Variants in GAR1 observed in about 807,000 individuals in gnomAD.
GAR1 encodes the protein H/ACA ribonucleoprotein complex subunit 1.
A neutral mutation model predicts 29.3 loss-of-function variants in GAR1; 11 were observed. That is an observed-to-expected ratio of 0.38 (90% confidence interval 0.24 to 0.62). The LOEUF is 0.62. Ranked by LOEUF, GAR1 falls within the 20% of genes least tolerant of loss-of-function variation. The probability of loss-of-function intolerance (pLI) is 0.62; values close to 1 mark genes in which losing one functional copy is unlikely to be tolerated. For missense variants in GAR1, 237 were observed against 268.4 expected, an observed-to-expected ratio of 0.88 and a Z score of 0.82; for synonymous variants, 87 against 93.3, an observed-to-expected ratio of 0.93 and a Z score of 0.39.
Position 109,822,435 on chromosome 4 carries a change from G to C in GAR1, c.518G>C (p.Arg173Thr), listed in dbSNP as rs756316401. 1.2e-6 allele frequency: 2 copies of C among 1,611,114 alleles called. No homozygotes were observed. Among genetic ancestry groups the C allele is most frequent in the Non-Finnish European group, 1.7e-6 (2 of 1,177,862 alleles). ...GEKGPPRGGG[R>T]GGRGGGRGGG... ...AAAGGACCTCCAAGAGGTGGTGGCA[G>C]GGGAGGCCGAGGAGGAGGAAGAGGA... The change falls in exon 5 of 7, where the codon AGG (arginine) becomes ACG (threonine). Residue 173 changes from arginine (R) to threonine (T), a missense_variant. Transcript: ENST00000226796.
chr4:109,823,239 G>A (rs1205453604), intron 5 of GAR1, among the ~76,000 whole-genome samples: 1 of 152,190 alleles, frequency 6.6e-6, no homozygotes, highest in East Asian at 1.9e-4. Context: ...GAAAGGGAGA[G>A]GAGCTGAAAG....
intron 3 of GAR1, among the ~76,000 whole-genome samples, chr4:109,818,469 TTCTTTCTCTC>T (rs33913000): frequency 0.027 from 4,086 of 151,776 alleles, 173 homozygotes; most frequent in African/African-American, 0.09. Flanking sequence ...CTCTCTTTCT[TTCTTTCTCTC>T]TCTTTCTCTC....
intron 5 of GAR1, 146 bp from the exon 6 acceptor site, chr4:109,823,817 ATC>A (rs1733580866): frequency 4.5e-6 from 2 of 439,586 alleles, no homozygotes; most frequent in East Asian, 7.7e-5. Context: ...AAATATGTGA[ATC>A]TATATTTATT....
At chr4:109,823,301 C>T (rs1733568917) in intron 5 of GAR1, among the ~76,000 whole-genome samples, 1 of 152,130 alleles carries the variant, frequency 6.6e-6, no homozygotes, top group African/African-American at 2.4e-5. Flanking sequence ...AGGAACGCCT[C>T]ACTTTTGGCG....
intron 4 of GAR1, among the ~76,000 whole-genome samples, chr4:109,821,087 A>C (rs1733501483): frequency 6.6e-6 from 1 of 152,126 alleles, no homozygotes; most frequent in Admixed American, 6.5e-5. Context: ...ACCCCCTGCT[A>C]TGTTGAGATT....
chr4:109,822,974 ATCT>A (rs1179559342), intron 5 of GAR1, among the ~76,000 whole-genome samples: 22 of 152,360 alleles, frequency 1.4e-4, no homozygotes, highest in African/African-American at 5.3e-4. Flanking sequence ...TAAAATGCAT[ATCT>A]TCTGATGTCA....
intron 4 of GAR1, among the ~76,000 whole-genome samples, 185 bp from the exon 5 acceptor site, chr4:109,822,155 TAAAAAAA>T (rs59097048): frequency 5.3e-4 from 54 of 101,642 alleles, no homozygotes; most frequent in East Asian, 2.4e-3. Context: ...GAACTTAAGG[TAAAAAAA>T]AAAAAAAAAA....
In GAR1 at chr4:109,815,765, T is replaced by A. The variant is rs1579350156; in HGVS notation, c.-52T>A. The A allele has an allele frequency of 1.0e-5, 2 of 192,482 alleles. No homozygotes were observed. Among genetic ancestry groups the A allele is most frequent in the Admixed American group, 1.1e-4 (2 of 18,384 alleles). 11.9% of individuals were successfully genotyped at this position (192,482 alleles called of 1,614,324 possible). On this transcript the variant is annotated 5_prime_UTR_variant, in exon 1 of 7. Coordinates refer to ENST00000226796, the MANE Select transcript of GAR1 (RefSeq NM_018983.4). ...GCGGCGGAAGTACCCCGCGGGTGGGTGTGTGCGCAAGGCCAGGGCCAGAGG... is the reference window on the plus strand; with the variant it reads ...GCGGCGGAAGTACCCCGCGGGTGGGAGTGTGCGCAAGGCCAGGGCCAGAGG...
intron 2 of GAR1, among the ~76,000 whole-genome samples, chr4:109,817,518 G>A (rs944120148): frequency 1.3e-5 from 2 of 152,118 alleles, no homozygotes; most frequent in Non-Finnish European, 2.9e-5. Context: ...TGAAGAAAAG[G>A]GAGAACCAAG....
chr4:109,819,919 G>A (rs182025186), intron 4 of GAR1, among the ~76,000 whole-genome samples: 87 of 152,282 alleles, frequency 5.7e-4, no homozygotes, highest in Admixed American at 8.5e-4. Flanking sequence ...GAGGTAGGAG[G>A]GGGCTTGATT....
rs372528508 is a variant in GAR1 at position 109,818,102 on chromosome 4, C to T, written c.369+12C>T. The T allele has an allele frequency of 6.3e-7, 1 of 1,576,074 alleles. No individual in the cohort carries two copies. The highest frequency in any genetic ancestry group is 1.4e-5 in the African/African-American group (1 of 73,170). On this transcript the variant is annotated intron_variant, in intron 3 of 6. Coordinates refer to ENST00000226796, the MANE Select transcript of GAR1 (RefSeq NM_018983.4). ...AACTCAGAGATTTTGTATCCTTTTT[C>T]ATTGGAAGGCCTGATAATATTCAAA...
intron 6 of GAR1, 143 bp from the exon 7 acceptor site, chr4:109,824,275 A>G: frequency 1.6e-6 from 1 of 639,704 alleles, no homozygotes; most frequent in Non-Finnish European, 2.8e-6. Context: ...TAAAGGTGTA[A>G]TATGAATGAC....
chr4:109,816,322 G>T lies in GAR1; in HGVS notation c.158G>T (p.Gly53Val), dbSNP rs774579065. The change falls in exon 2 of 7, where the codon GGT becomes GTT. Residue 53 changes from glycine (G) to valine (V), a missense_variant. Coordinates refer to ENST00000226796, the MANE Select transcript of GAR1 (RefSeq NM_018983.4). The part of the protein sequence containing the change: ...GGGRGGFGRG[G>V]GRGGFNKGQD... ...GGCAGGGGAGGATTTGGACGAGGGG[G>T]TGGCCGCGGAGGCTTTAACAAAGGC... 7 of 1,613,534 alleles carry T rather than the reference G, an allele frequency of 4.3e-6. No homozygotes were observed. The highest frequency in any genetic ancestry group is 2.7e-5 in the African/African-American group (2 of 74,892).
intron 4 of GAR1, 58 bp downstream of exon 4, chr4:109,819,118 A>G: frequency 1.1e-6 from 1 of 878,398 alleles, no homozygotes; most frequent in Non-Finnish European, 2.0e-6. Flanking sequence ...GACCTATCTT[A>G]GGAAAGTCCT....
chr4:109,820,267 A>G (rs1330335373), intron 4 of GAR1, among the ~76,000 whole-genome samples: 1 of 152,206 alleles, frequency 6.6e-6, no homozygotes, highest in African/African-American at 2.4e-5. Context: ...GATGTCTGAC[A>G]TCAACATCTT....
At position 109,817,962 on chromosome 4, in the gene GAR1, G is replaced by C; in HGVS notation, c.241G>C (p.Glu81Gln). 1 of 1,609,626 alleles carries C rather than the reference G, an allele frequency of 6.2e-7. No homozygotes were observed. Among genetic ancestry groups the C allele is most frequent in the Admixed American group, 1.7e-5 (1 of 59,320 alleles). The change falls in exon 3 of 7, where the codon GAA (glutamate) becomes CAA (glutamine). Residue 81 changes from glutamate (E) to glutamine (Q), a missense_variant. Physicochemically the swap from Glu to Gln is conservative, Grantham distance 29. Transcript: ENST00000226796. Reference protein sequence around the residue: ...VLLGEFLHPCEDDIVCKCTTD... With the variant: ...VLLGEFLHPCQDDIVCKCTTD... ...ATTAGGAGAGTTCCTGCATCCCTGT[G>C]AAGATGACATAGTTTGTAAATGTAC...
chr4:109,824,344 C>A, intron 6 of GAR1, 74 bp from the exon 7 acceptor site: 1 of 1,017,594 alleles, frequency 9.8e-7, no homozygotes, highest in Non-Finnish European at 1.6e-6. Flanking sequence ...TGATTTTAAA[C>A]TTGAGATTTA....
chr4:109,822,718 T>G lies in GAR1; in HGVS notation c.571+230T>G, dbSNP rs77274934. ...TTTTGAGGGACTTCATTTCTTTGGGTTATTCATGTTTTCTTGGACATTTTA... is the reference window on the plus strand; with the variant it reads ...TTTTGAGGGACTTCATTTCTTTGGGGTATTCATGTTTTCTTGGACATTTTA... On this transcript the variant is annotated intron_variant, in intron 5 of 6. Coordinates refer to ENST00000226796, the MANE Select transcript of GAR1 (RefSeq NM_018983.4). Among the ~76,000 whole-genome samples, 1,731 of 152,300 alleles carry G rather than the reference T, an allele frequency of 0.011. 86 individuals carry two copies. In the East Asian group the frequency reaches 0.13, roughly 12 times the overall value.
intron 4 of GAR1, among the ~76,000 whole-genome samples, chr4:109,821,895 T>G (rs1445118318): frequency 1.3e-5 from 2 of 151,614 alleles, no homozygotes; most frequent in Non-Finnish European, 2.9e-5. Flanking sequence ...AACACAGGAA[T>G]AGAAAACCAA....
Sources: gnomAD v4.1 joint callset for allele counts (sites outside exome capture counted in the v4.1 genomes callset) on GRCh38, gnomAD v4.1.1 for gene constraint, MANE v1.5 for transcripts, NCBI Gene and HGNC (gene_info 2026-07-23, HGNC 2026-07-21) for gene names.